Variants in VPS45 observed in about 807,000 individuals in gnomAD.
VPS45 encodes vacuolar protein sorting 45 homolog, also known as vacuolar protein sorting-associated protein 45.
In VPS45, 35 loss-of-function variants were observed where a neutral mutation model predicts 75.9. That is an observed-to-expected ratio of 0.46 (90% CI 0.35 to 0.61). The LOEUF is 0.61. Among genes scored for constraint, VPS45 ranks in the 20% least tolerant of loss-of-function variants. The pLI, the probability that VPS45 is intolerant of heterozygous loss-of-function variation, is 0.00. For missense variants in VPS45, 559 were observed against 685.9 expected, an observed-to-expected ratio of 0.81 and a Z score of 2.07; for synonymous variants, 220 against 238.2, an observed-to-expected ratio of 0.92 and a Z score of 0.70.
intron 14 of VPS45, among the ~76,000 whole-genome samples, chr1:150,140,094 A>G (rs1416507852): frequency 6.6e-6 from 1 of 151,984 alleles, no homozygotes; most frequent in Non-Finnish European, 1.5e-5. Context: ...GGGTTTCACC[A>G]TGTTGGTCAA....
chr1:150,067,881 G>A lies in VPS45; in HGVS notation c.24G>A (p.Lys8=). MNVVFAV[K]QYISKMIEDS... is the part of the protein sequence containing the mutation. ...CCATGAACGTGGTTTTTGCTGTGAA[G>A]CAGTACATTTCCAAAATGATAGAGG... Residue 8 remains lysine (K), a synonymous_variant, in exon 1 of 15, where the codon AAG becomes AAA. Transcript: ENST00000644510. 6.2e-7 allele frequency: 1 copy of A among 1,614,192 alleles called. No individual in the cohort carries two copies. Among genetic ancestry groups the A allele is most frequent in the Non-Finnish European group, 8.5e-7 (1 of 1,180,008 alleles).
At chr1:150,107,620 G>T (rs782121094) in intron 13 of VPS45, among the ~76,000 whole-genome samples, 2 of 152,164 alleles carry the variant, frequency 1.3e-5, no homozygotes, top group Non-Finnish European at 2.9e-5. Flanking sequence ...AAATTTGGCT[G>T]GGCATGGTGG....
chr1:150,125,448 G>A (rs1196096061), intron 14 of VPS45, among the ~76,000 whole-genome samples: 2 of 151,148 alleles, frequency 1.3e-5, no homozygotes, highest in Non-Finnish European at 2.9e-5. Flanking sequence ...ATGTTGGTGT[G>A]CTGCACCCAT....
At chr1:150,114,179 C>G (rs1657796153) in intron 14 of VPS45, among the ~76,000 whole-genome samples, 2 of 151,968 alleles carry the variant, frequency 1.3e-5, no homozygotes, top group African/African-American at 4.8e-5. Context: ...CAATTTTCTT[C>G]TAACTAAAGA....
chr1:150,088,439 ATATAT>A, intron 10 of VPS45, among the ~76,000 whole-genome samples: 1 of 134,492 alleles, frequency 7.4e-6, no homozygotes, highest in Non-Finnish European at 1.5e-5. Flanking sequence ...TAATAAATAT[ATATAT>A]ATATATATAT....
rs1571927734 is a variant in VPS45, at chr1:150,142,435, T to C, written c.1626-2274T>C. On this transcript the variant is annotated intron_variant, in intron 14 of 14. Transcript: ENST00000644510. ...AAGCCAGGCCAAAGATGTCTGTATT[T>C]CCATAGAGGAACAAATGAACTTAGC... is the stretch of plus-strand genomic sequence containing the variant. Among the ~76,000 whole-genome samples the C allele has an allele frequency of 2.6e-5, 4 of 152,350 alleles. No individual in the cohort carries two copies. In the South Asian group the frequency reaches 8.3e-4, roughly 32 times the overall value.
At position 150,082,824 on chromosome 1, in the gene VPS45, G is replaced by A. The variant is rs782191450; in HGVS notation, c.1045G>A (p.Glu349Lys). The A allele has an allele frequency of 1.9e-6, 3 of 1,614,186 alleles. No individual in the cohort carries two copies. The highest frequency in any genetic ancestry group is 2.5e-6 in the Non-Finnish European group (3 of 1,180,036). ...ATTGGTCAGTGAACGGAATCTGCTG[G>A]AGGTTTCAGAGGTTGAGCAAGAACT... is the stretch of plus-strand genomic sequence containing the variant. ...SRLVSERNLLEVSEVEQELAC... is the reference protein window; with the variant it reads ...SRLVSERNLLKVSEVEQELAC... Residue 349 changes from glutamate to lysine, a missense_variant, in exon 10 of 15, where the codon GAG (glutamate) becomes AAG (lysine). By Grantham distance (56) the Glu-to-Lys change is moderately conservative. Transcript: ENST00000644510.
chr1:150,114,922 T>G (rs1217914550), intron 14 of VPS45, among the ~76,000 whole-genome samples: 2 of 139,770 alleles, frequency 1.4e-5, no homozygotes, highest in Admixed American at 7.3e-5. Context: ...AAAAAAAACT[T>G]TAGTATTTTT....
intron 14 of VPS45, among the ~76,000 whole-genome samples, chr1:150,129,228 T>C (rs1411153849): frequency 6.6e-6 from 1 of 152,212 alleles, no homozygotes; most frequent in African/African-American, 2.4e-5. Flanking sequence ...AATAAACATA[T>C]AAATGAACAA....
chr1:150,092,397 C>A lies in VPS45; in HGVS notation c.1359C>A (p.Leu453=), dbSNP rs782429614. ...CTGTGGCTATCACCAAACAATTCCT[C>A]AAAGGACTGAAGGTATAGACATCTC... The part of the protein sequence containing the change: ...KDAVAITKQF[L]KGLKGVENVY... The change falls in exon 12 of 15, where the codon CTC becomes CTA. Residue 453 remains leucine (L), a synonymous_variant. Transcript: ENST00000644510. 4 of 1,613,932 alleles carry A rather than the reference C, an allele frequency of 2.5e-6. No homozygotes were observed. Among genetic ancestry groups the A allele is most frequent in the African/African-American group, 1.3e-5 (1 of 74,910 alleles).
intron 14 of VPS45, among the ~76,000 whole-genome samples, chr1:150,126,221 G>T (rs1382123775): frequency 1.3e-5 from 2 of 151,406 alleles, no homozygotes; most frequent in Non-Finnish European, 3.0e-5. Flanking sequence ...GTTTTGTTTT[G>T]TTTTTTTGAG....
At chr1:150,082,575 A>C (rs1481699258) in intron 9 of VPS45, 141 bp from the exon 10 acceptor site, 1 of 1,047,090 alleles carries the variant, frequency 9.6e-7, no homozygotes. Flanking sequence ...TAAGCATAAC[A>C]AAATGCCATG....
Position 150,072,672 on chromosome 1 carries a change from A to AAT in VPS45, c.289+446_289+447insAT, listed in dbSNP as rs1198741898. 2.7e-3 allele frequency among the ~76,000 whole-genome samples: 379 copies of AAT among 142,400 alleles called. 30 individuals carry two copies. The highest frequency in any genetic ancestry group is 7.2e-3 in the Middle Eastern group (2 of 276). 93.4% of individuals were successfully genotyped at this position (142,400 alleles called of 152,430 possible). On this transcript the variant is annotated intron_variant, in intron 3 of 14. Coordinates refer to ENST00000644510, the MANE Select transcript of VPS45 (RefSeq NM_007259.5). The stretch of plus-strand genomic sequence containing the variant: ...ACTCCATCTCAAAAAAAAAAAAAAT[A>AAT]CTTTTGACCAATATTCTGTTTCAGA...
At chr1:150,068,933 G>A in intron 2 of VPS45, 169 bp downstream of exon 2, 2 of 708,012 alleles carry the variant, frequency 2.8e-6, no homozygotes, top group Non-Finnish European at 4.2e-6. Context: ...CCATATTTCA[G>A]TTGACCCCTT....
At chr1:150,138,332 C>T (rs1659220614) in intron 14 of VPS45, among the ~76,000 whole-genome samples, 1 of 152,170 alleles carries the variant, frequency 6.6e-6, no homozygotes, top group African/African-American at 2.4e-5. Flanking sequence ...TATCACTTAG[C>T]TTCCAGGAAC....
chr1:150,110,266 T>G, intron 13 of VPS45: 2 of 415,914 alleles, frequency 4.8e-6, no homozygotes, highest in Non-Finnish European at 8.7e-6. Context: ...GCACAGAAAT[T>G]ATAAGACATC....
At chr1:150,120,864 C>CTT (rs370159689) in intron 14 of VPS45, among the ~76,000 whole-genome samples, 8 of 86,026 alleles carry the variant, frequency 9.3e-5, no homozygotes, top group African/African-American at 2.0e-4. Flanking sequence ...TAGCAACATT[C>CTT]TTTTTTTTTT....
At chr1:150,079,646 A>G (rs954756523) in intron 7 of VPS45, among the ~76,000 whole-genome samples, 1 of 152,092 alleles carries the variant, frequency 6.6e-6, no homozygotes, top group South Asian at 2.1e-4. Context: ...TCCTGACCTC[A>G]AGTGATCTGC....
In VPS45 at chr1:150,068,678, G is replaced by A; in HGVS notation, c.142G>A (p.Glu48Lys). 1 of 1,612,820 alleles carries A rather than the reference G, an allele frequency of 6.2e-7. No individual in the cohort carries two copies. Among genetic ancestry groups the A allele is most frequent in the African/African-American group, 1.3e-5 (1 of 74,964 alleles). ...CACACAATCGGAGATTCTACAGAAG[G>A]AAGTGTACCTCTTTGAACGCATTGA... ...VYTQSEILQKEVYLFERIDSQ... is the reference protein window; with the variant it reads ...VYTQSEILQKKVYLFERIDSQ... Residue 48 changes from glutamate to lysine, a missense_variant, in exon 2 of 15, where the codon GAA (glutamate) becomes AAA (lysine). Transcript: ENST00000644510.
Sources: allele counts gnomAD v4.1 joint callset (sites outside exome capture counted in the v4.1 genomes callset), GRCh38; gene constraint gnomAD v4.1.1; transcripts MANE v1.5; gene names NCBI Gene and HGNC (gene_info 2026-07-23, HGNC 2026-07-21).